CDK8: variants seen among roughly 807,000 people sequenced by gnomAD.
The protein encoded by CDK8 is cyclin-dependent kinase 8.
CDK8 carries 29 observed loss-of-function variants against 71.5 expected under a neutral mutation model. The ratio of observed to expected loss-of-function variants is 0.41; its 90% CI spans 0.30 to 0.55. The LOEUF (loss-of-function observed/expected upper bound fraction) is 0.55, where lower values mean the gene tolerates loss of function less well. Among genes scored for constraint, CDK8 ranks in the 20% least tolerant of loss-of-function variants. CDK8 has a pLI of 0.37. For synonymous variants in CDK8, 161 were observed against 192.1 expected, an observed-to-expected ratio of 0.84 and a Z score of 1.34; for missense variants, 288 against 572.6, an observed-to-expected ratio of 0.50 and a Z score of 5.07.
At chr13:26,291,375 T>TATACATA in intron 1 of CDK8, among the ~76,000 whole-genome samples, 1 of 152,180 alleles carries the variant, frequency 6.6e-6, no homozygotes, top group Non-Finnish European at 1.5e-5. Context: ...TATACATAGA[T>TATACATA]GTATGTATAT....
chr13:26,312,584 C>G (rs979097904), intron 1 of CDK8, among the ~76,000 whole-genome samples: 8 of 152,092 alleles, frequency 5.3e-5, no homozygotes, highest in African/African-American at 1.9e-4. Flanking sequence ...GAAGAAACTC[C>G]AGACACATCT....
intron 1 of CDK8, among the ~76,000 whole-genome samples, chr13:26,281,381 G>A (rs1008957662): frequency 3.3e-5 from 5 of 152,190 alleles, no homozygotes; most frequent in Admixed American, 3.3e-4. Context: ...GCCCAGTAGA[G>A]CAATAACAAT....
chr13:26,337,435 C>T (rs1355555777), intron 1 of CDK8, 132 bp from the exon 2 acceptor site: 6 of 320,154 alleles, frequency 1.9e-5, no homozygotes, highest in East Asian at 5.5e-5. Flanking sequence ...TTTCCTTGTA[C>T]GACATTGTAT....
chr13:26,370,370 TTATTAA>T (rs1380426411), intron 4 of CDK8, among the ~76,000 whole-genome samples: 23 of 152,354 alleles, frequency 1.5e-4, no homozygotes, highest in Admixed American at 1.5e-3. Flanking sequence ...AAAATTCATC[TTATTAA>T]TAGTGCAGAG....
In CDK8 at chr13:26,254,815, C is replaced by G. The variant is rs1409530690; in HGVS notation, c.128+46C>G. 1 of 1,597,538 alleles carries G rather than the reference C, an allele frequency of 6.3e-7. No individual in the cohort carries two copies. Among genetic ancestry groups the G allele is most frequent in the Non-Finnish European group, 8.5e-7 (1 of 1,170,600 alleles). On this transcript the variant is annotated intron_variant, in intron 1 of 12. Transcript: ENST00000381527. This position sits in a 1 kb window ranked among gnomAD's most constrained non-coding sequence, Gnocchi z 6.7. ...CGGTGTCCGCGCTGGGCGGCGCTCC[C>G]GCAGGCCGAGGCAGGTAGCCCGGAG...
intron 1 of CDK8, among the ~76,000 whole-genome samples, chr13:26,282,392 G>C (rs1872789259): frequency 6.6e-6 from 1 of 152,200 alleles, no homozygotes; most frequent in South Asian, 2.1e-4. Context: ...CTACAAGCCA[G>C]AAGGGATTTG....
At chr13:26,403,133 T>C in intron 12 of CDK8, among the ~76,000 whole-genome samples, 1 of 152,174 alleles carries the variant, frequency 6.6e-6, no homozygotes, top group East Asian at 1.9e-4. Flanking sequence ...CTTTGTGCCA[T>C]TTTAGAATTG....
chr13:26,282,333 C>T (rs772466838), intron 1 of CDK8, among the ~76,000 whole-genome samples: 3 of 152,094 alleles, frequency 2.0e-5, no homozygotes, highest in Non-Finnish European at 4.4e-5. Flanking sequence ...ATCAGGTAAC[C>T]TATAAAGGAA....
In CDK8 at chr13:26,396,343, C is replaced by A; in HGVS notation, c.849C>A (p.Phe283Leu). 6.9e-7 allele frequency: 1 copy of A among 1,455,930 alleles called. No individual in the cohort carries two copies. The highest frequency in any genetic ancestry group is 1.3e-5 in the South Asian group (1 of 77,560). The allele number at this position is 1,455,930 out of a possible 1,614,324, so 90.2% of individuals were successfully genotyped here. ...AACATTCAACATTAATGAAAGATTT[C>A]AGAAGAAATACGTAAGTTGGAAAAA... ...MPEHSTLMKD[F>L]RRNTYTNCSL... The change falls in exon 8 of 13, where the codon TTC becomes TTA. Residue 283 changes from phenylalanine to leucine, a missense_variant. Phe to Leu is a conservative substitution (Grantham distance 22). Transcript: ENST00000381527.
intron 10 of CDK8, among the ~76,000 whole-genome samples, chr13:26,400,885 TC>T (rs1876224088): frequency 6.6e-6 from 1 of 152,138 alleles, no homozygotes; most frequent in Non-Finnish European, 1.5e-5. Context: ...CCAAATGTGT[TC>T]CCTATACCAT....
chr13:26,304,809 A>AT (rs1305986296), intron 1 of CDK8, among the ~76,000 whole-genome samples: 2 of 151,046 alleles, frequency 1.3e-5, no homozygotes, highest in Non-Finnish European at 3.0e-5. Context: ...GCTAATTTAA[A>AT]TTTTTTTTTA....
chr13:26,265,504 G>A (rs1461239035), intron 1 of CDK8, among the ~76,000 whole-genome samples: 2 of 152,160 alleles, frequency 1.3e-5, no homozygotes, highest in Admixed American at 6.5e-5. Context: ...AATATCACTC[G>A]TGGCTCCAGA....
At chr13:26,316,013 C>T (rs989047998) in intron 1 of CDK8, among the ~76,000 whole-genome samples, 7 of 152,178 alleles carry the variant, frequency 4.6e-5, no homozygotes, top group African/African-American at 1.7e-4. Context: ...ACATTAGTTC[C>T]TCCAGATATT....
At chr13:26,277,186 A>G (rs1379079926) in intron 1 of CDK8, among the ~76,000 whole-genome samples, 1 of 152,202 alleles carries the variant, frequency 6.6e-6, no homozygotes, top group Non-Finnish European at 1.5e-5. Context: ...TAGTGTACTG[A>G]GTTTTCCCCC....
chr13:26,393,840 A>G (rs904392751), intron 7 of CDK8, among the ~76,000 whole-genome samples: 1 of 152,252 alleles, frequency 6.6e-6, no homozygotes, highest in Non-Finnish European at 1.5e-5. Flanking sequence ...ACCAGTAGAA[A>G]CTATAAATGA....
chr13:26,347,390 T>C (rs1316286389), intron 2 of CDK8, among the ~76,000 whole-genome samples: 2 of 152,234 alleles, frequency 1.3e-5, no homozygotes, highest in African/African-American at 2.4e-5. Flanking sequence ...TGTTAATGAA[T>C]GTTGCATCTT....
intron 1 of CDK8, among the ~76,000 whole-genome samples, chr13:26,283,535 G>A (rs995004665): frequency 6.6e-6 from 1 of 152,214 alleles, no homozygotes; most frequent in African/African-American, 2.4e-5. Context: ...TTGAACCTGG[G>A]AGGCAGGGGT....
intron 6 of CDK8, among the ~76,000 whole-genome samples, 154 bp downstream of exon 6, chr13:26,385,496 AG>A (rs961526160): frequency 2.0e-5 from 3 of 152,180 alleles, no homozygotes; most frequent in African/African-American, 7.2e-5. Flanking sequence ...GCACTTTGGG[AG>A]GCGGAGGCAG....
intron 1 of CDK8, among the ~76,000 whole-genome samples, chr13:26,268,705 T>C (rs913123642): frequency 6.6e-6 from 1 of 152,164 alleles, no homozygotes; most frequent in Non-Finnish European, 1.5e-5. Context: ...ATTACAGTTA[T>C]TTCATTATTT....
Sources: allele counts gnomAD v4.1 joint callset (sites outside exome capture counted in the v4.1 genomes callset), GRCh38; gene constraint gnomAD v4.1.1; non-coding constraint Gnocchi (gnomAD v3.1); transcripts MANE v1.5; gene names NCBI Gene and HGNC (gene_info 2026-07-23, HGNC 2026-07-21).